ZEB2: variants seen among roughly 807,000 people sequenced by gnomAD.
ZEB2 encodes zinc finger E-box-binding homeobox 2.
A neutral mutation model predicts 99.9 loss-of-function variants in ZEB2; 6 were observed. The observed-to-expected ratio is 0.06, with a 90% confidence interval of 0.03 to 0.12. The LOEUF (loss-of-function observed/expected upper bound fraction) is 0.12. Among genes scored for constraint, ZEB2 ranks in the 10% least tolerant of loss-of-function variants. The pLI is 1.00. For synonymous variants in ZEB2, 517 were observed against 542.5 expected, an observed-to-expected ratio of 0.95 and a Z score of 0.65; for missense variants, 969 against 1,502.8, an observed-to-expected ratio of 0.64 and a Z score of 5.87.
rs3073687 is a variant in ZEB2 at position 144,472,193 on chromosome 2, T to TTCATCA, written c.74-42173_74-42168dup. On this transcript the variant is annotated intron_variant, in intron 2 of 9. Transcript: ENST00000627532. ...CAAAGAAGCATTTGGTCATGTTTTC[T>TTCATCA]TCATCATCATCATCATCATCATCAT... 5.3e-3 allele frequency among the ~76,000 whole-genome samples: 798 copies of TTCATCA among 151,242 alleles called. 9 individuals are homozygous for TTCATCA. Among genetic ancestry groups the TTCATCA allele is most frequent in the African/African-American group, 0.018 (739 of 41,200 alleles).
intron 2 of ZEB2, among the ~76,000 whole-genome samples, chr2:144,515,303 GA>G (rs1247604950): frequency 6.6e-6 from 1 of 151,988 alleles, no homozygotes; most frequent in African/African-American, 2.4e-5. Context: ...ATACTTGTAA[GA>G]GGGGGAAAAA....
intron 2 of ZEB2, among the ~76,000 whole-genome samples, chr2:144,439,018 A>T (rs904798555): frequency 6.6e-6 from 1 of 151,798 alleles, no homozygotes; most frequent in African/African-American, 2.4e-5. Flanking sequence ...AAACCAAACA[A>T]TGTGAGGGGA....
In ZEB2 at chr2:144,398,162, G is replaced by A. The variant is rs1703254759; in HGVS notation, c.2886+139C>T. The A allele has an allele frequency of 3.8e-6, 4 of 1,047,638 alleles. No homozygotes were observed. The Admixed American group carries it at 8.5e-5, about 22-fold the overall frequency. The allele number at this position is 1,047,638 out of a possible 1,614,324, so 64.9% of individuals were successfully genotyped here. A position where few individuals can be genotyped will look rare whatever the true frequency, so the allele number is the denominator to read the frequency against. On this transcript the variant is annotated intron_variant, in intron 8 of 9. Coordinates refer to ENST00000627532, the MANE Select transcript of ZEB2 (RefSeq NM_014795.4). ...GTTTCATCCATTGTTCTAGCCCACT[G>A]ATGGTTTTAGGTTCATGTTAAAGCA...
intron 3 of ZEB2, 67 bp from the exon 4 acceptor site, chr2:144,424,934 G>T (rs1161463429): frequency 6.6e-7 from 1 of 1,510,522 alleles, no homozygotes; most frequent in Non-Finnish European, 9.2e-7. Context: ...AGCATGCCAA[G>T]CACAGGAACA....
intron 2 of ZEB2, chr2:144,516,083 C>G (rs961826092): frequency 2.6e-5 from 4 of 152,240 alleles, no homozygotes; most frequent in Non-Finnish European, 4.4e-5. Context: ...TCTACGCGGC[C>G]CCGCGCCGGG....
At chr2:144,494,840 T>C (rs1008390904) in intron 2 of ZEB2, 1 of 152,206 alleles carries the variant, frequency 6.6e-6, no homozygotes, top group Non-Finnish European at 1.5e-5. Context: ...TTGCATTATG[T>C]ACGCATAAAC....
intron 8 of ZEB2, chr2:144,397,743 T>A (rs962447003): frequency 5.2e-6 from 1 of 192,992 alleles, no homozygotes; most frequent in East Asian, 1.5e-4. Flanking sequence ...TGGGTTCAAG[T>A]GATTCTTCTG....
chr2:144,445,986 C>T (rs552501085), intron 2 of ZEB2, among the ~76,000 whole-genome samples: 4 of 152,266 alleles, frequency 2.6e-5, no homozygotes, highest in South Asian at 4.1e-4. Flanking sequence ...GTTGCATCAG[C>T]CTTTCAGAAG....
intron 2 of ZEB2, chr2:144,516,659 C>T (rs114965990): frequency 0.021 from 3,170 of 151,854 alleles, 111 homozygotes; most frequent in African/African-American, 0.071. Flanking sequence ...ATCGACCCCA[C>T]CGGACCCCGC....
At chr2:144,448,635 T>C (rs773020093) in intron 2 of ZEB2, 3 of 152,208 alleles carry the variant, frequency 2.0e-5, no homozygotes, top group Non-Finnish European at 2.9e-5. Context: ...CTAGAGGCTA[T>C]AAAAGCCATG....
At chr2:144,473,385 T>A (rs1227374585) in intron 2 of ZEB2, among the ~76,000 whole-genome samples, 1 of 152,090 alleles carries the variant, frequency 6.6e-6, no homozygotes, top group African/African-American at 2.4e-5. Flanking sequence ...GTGGGAAGAG[T>A]GCTATGTGGT....
In ZEB2 at chr2:144,399,489, G is replaced by C; in HGVS notation, c.1698C>G (p.Val566=). Residue 566 remains valine, a synonymous_variant, in exon 8 of 10, where the codon GTC becomes GTG. Transcript: ENST00000627532. This position sits in a 1 kb window ranked among gnomAD's most constrained non-coding sequence, Gnocchi z 5.6. The part of the protein sequence containing the change: ...KEKLRTLIDL[V]TDDKMIENHN... ...GGTTCTCAATCATTTTGTCATCAGT[G>C]ACCAAATCTATTAAAGTACGTAGCT... 6.2e-7 allele frequency: 1 copy of C among 1,614,134 alleles called. No homozygotes were observed. Among genetic ancestry groups the C allele is most frequent in the Non-Finnish European group, 8.5e-7 (1 of 1,180,028 alleles).
At chr2:144,414,948 A>ATGTG (rs34257771) in intron 4 of ZEB2, among the ~76,000 whole-genome samples, 27,715 of 147,822 alleles carry the variant, frequency 0.19, 2,740 homozygotes, top group South Asian at 0.28. Flanking sequence ...TTCAGAGTGT[A>ATGTG]TGTGTGTGTG....
At chr2:144,412,000 T>C (rs1380922726) in intron 4 of ZEB2, among the ~76,000 whole-genome samples, 1 of 152,268 alleles carries the variant, frequency 6.6e-6, no homozygotes, top group East Asian at 1.9e-4. Context: ...CCGGGCACGG[T>C]GGCTTACGCC....
At chr2:144,499,014 A>G (rs1032672566) in intron 2 of ZEB2, among the ~76,000 whole-genome samples, 1 of 152,244 alleles carries the variant, frequency 6.6e-6, no homozygotes, top group Non-Finnish European at 1.5e-5. Flanking sequence ...ATAACTTCAG[A>G]GTGAAGTGAA....
intron 2 of ZEB2, among the ~76,000 whole-genome samples, chr2:144,448,422 G>A (rs1704013659): frequency 6.6e-6 from 1 of 152,214 alleles, no homozygotes; most frequent in Non-Finnish European, 1.5e-5. Context: ...CTTACTGAAA[G>A]TTCACGCAGC....
intron 2 of ZEB2, among the ~76,000 whole-genome samples, chr2:144,449,396 T>C (rs1021540531): frequency 6.6e-6 from 1 of 152,126 alleles, no homozygotes; most frequent in Non-Finnish European, 1.5e-5. Context: ...ACATCCTAAA[T>C]GACAAACTAA....
At chr2:144,436,324 T>C (rs1163116702) in intron 2 of ZEB2, among the ~76,000 whole-genome samples, 1 of 152,220 alleles carries the variant, frequency 6.6e-6, no homozygotes, top group Non-Finnish European at 1.5e-5. Context: ...TTTAATTTTT[T>C]ATCCCAGGAA....
At chr2:144,462,314 G>A (rs1399417929) in intron 2 of ZEB2, 1 of 152,162 alleles carries the variant, frequency 6.6e-6, no homozygotes, top group Non-Finnish European at 1.5e-5. Flanking sequence ...AAATGGTTCT[G>A]TTGGTTATAC....
Sources: gnomAD v4.1 joint callset for allele counts (sites outside exome capture counted in the v4.1 genomes callset) on GRCh38, gnomAD v4.1.1 for gene constraint, Gnocchi (gnomAD v3.1) non-coding constraint, MANE v1.5 for transcripts, NCBI Gene and HGNC (gene_info 2026-07-23, HGNC 2026-07-21) for gene names.